The following FRMD4B variants were observed in gnomAD, a reference collection of about 807,000 sequenced individuals.
The protein encoded by FRMD4B is FERM domain-containing protein 4B.
In FRMD4B, 74 loss-of-function variants were observed where a neutral mutation model predicts 141.5. That is an observed-to-expected ratio of 0.52 (90% CI 0.43 to 0.63). FRMD4B has a LOEUF of 0.63. FRMD4B is among the 30% of genes least tolerant of loss of function. The pLI is 0.00. For missense variants in FRMD4B, 1,366 were observed against 1,253.4 expected (o/e 1.09, Z -1.36); for synonymous variants, 506 against 467.9 (o/e 1.08, Z -1.05).
chr3:69,522,467 G>A (rs190842920), intron 1 of FRMD4B, among the ~76,000 whole-genome samples: 39 of 152,172 alleles, frequency 2.6e-4, no homozygotes, highest in Admixed American at 1.7e-3. Flanking sequence ...TGGTCAGAAC[G>A]CAGCCTCCTC....
upstream of FRMD4B, among the ~76,000 whole-genome samples, chr3:69,390,209 C>G (rs1704350717): frequency 6.6e-6 from 1 of 152,164 alleles, no homozygotes; most frequent in Non-Finnish European, 1.5e-5. Context: ...TGGCAGCTTC[C>G]AGTGGTCCCC....
chr3:69,267,071 C>T (rs2093565845), intron 5 of FRMD4B, among the ~76,000 whole-genome samples: 1 of 152,158 alleles, frequency 6.6e-6, no homozygotes, highest in South Asian at 2.1e-4. Flanking sequence ...TACAGAGCCC[C>T]AGGCTCATCA....
At chr3:69,308,628 T>G (rs1262514267) in intron 3 of FRMD4B, among the ~76,000 whole-genome samples, 5 of 152,020 alleles carry the variant, frequency 3.3e-5, no homozygotes, top group African/African-American at 4.8e-5. Context: ...TTAGTAGAGA[T>G]GGGGTTTCAC....
intron 5 of FRMD4B, among the ~76,000 whole-genome samples, chr3:69,263,330 G>A (rs1465639132): frequency 6.6e-6 from 1 of 151,720 alleles, no homozygotes; most frequent in African/African-American, 2.4e-5. Flanking sequence ...AAAATGTGAG[G>A]GGCTTCTTGG....
chr3:69,534,406 T>A (rs17006084), intron 1 of FRMD4B, among the ~76,000 whole-genome samples: 1 of 152,052 alleles, frequency 6.6e-6, no homozygotes, highest in African/African-American at 2.4e-5. Flanking sequence ...CTATCTATCA[T>A]CTAAAATTAA....
At chr3:69,220,141 G>C (rs1379284520) in intron 9 of FRMD4B, among the ~76,000 whole-genome samples, 1 of 152,128 alleles carries the variant, frequency 6.6e-6, no homozygotes, top group Non-Finnish European at 1.5e-5. Context: ...TTCTGTCCTT[G>C]TGCACACATC....
chr3:69,473,510 C>G (rs1187908254), intron 1 of FRMD4B, among the ~76,000 whole-genome samples: 4 of 152,106 alleles, frequency 2.6e-5, no homozygotes, highest in African/African-American at 9.7e-5. Context: ...AAGCCCAGAC[C>G]TCATATGGTT....
At chr3:69,392,423 G>A (rs1025270713) in intron 2 of FRMD4B, among the ~76,000 whole-genome samples, 1 of 152,116 alleles carries the variant, frequency 6.6e-6, no homozygotes, top group African/African-American at 2.4e-5. Flanking sequence ...GCAATCCAAG[G>A]CACAGGGAGC....
intron 1 of FRMD4B, among the ~76,000 whole-genome samples, chr3:69,444,106 C>A (rs900198626): frequency 6.6e-6 from 1 of 152,296 alleles, no homozygotes; most frequent in Middle Eastern, 3.4e-3. Context: ...GATTTCATCT[C>A]CCATCCAATC....
intron 1 of FRMD4B, among the ~76,000 whole-genome samples, chr3:69,373,898 A>G (rs952200416): frequency 2.0e-5 from 3 of 152,156 alleles, no homozygotes; most frequent in Non-Finnish European, 4.4e-5. Flanking sequence ...CGATTAATAA[A>G]TGCTTAAGAT....
chr3:69,522,425 A>G (rs4314173), intron 1 of FRMD4B, among the ~76,000 whole-genome samples: 3 of 151,868 alleles, frequency 2.0e-5, no homozygotes, highest in Admixed American at 6.6e-5. Flanking sequence ...AAGGCATAGA[A>G]AAAACATTTA....
At chr3:69,258,435 T>G (rs887076919) in intron 5 of FRMD4B, among the ~76,000 whole-genome samples, 1 of 142,720 alleles carries the variant, frequency 7.0e-6, no homozygotes, top group Non-Finnish European at 1.6e-5. Context: ...TAGGGAAACA[T>G]ATATATTTCT....
intron 1 of FRMD4B, among the ~76,000 whole-genome samples, chr3:69,479,435 G>A (rs374663678): frequency 6.6e-6 from 1 of 152,080 alleles, no homozygotes; most frequent in African/African-American, 2.4e-5. Flanking sequence ...TTGCTTGTCT[G>A]TAAAGGATTT....
intron 1 of FRMD4B, among the ~76,000 whole-genome samples, chr3:69,357,218 G>C (rs765258033): frequency 6.6e-6 from 1 of 152,166 alleles, no homozygotes; most frequent in Non-Finnish European, 1.5e-5. Flanking sequence ...TAAATCAGAA[G>C]GGGTCCCAGA....
At chr3:69,376,290 C>A (rs1703969119) in intron 1 of FRMD4B, among the ~76,000 whole-genome samples, 1 of 152,004 alleles carries the variant, frequency 6.6e-6, no homozygotes, top group South Asian at 2.1e-4. Context: ...TTGTAAGATG[C>A]CTTAAACAGT....
At chr3:69,528,894 A>T (rs1700972992) in intron 1 of FRMD4B, among the ~76,000 whole-genome samples, 1 of 151,828 alleles carries the variant, frequency 6.6e-6, no homozygotes, top group African/African-American at 2.4e-5. Context: ...TACAATATAC[A>T]CCCCTTAGTT....
chr3:69,524,255 G>A (rs1176382918), intron 1 of FRMD4B, among the ~76,000 whole-genome samples: 1 of 152,176 alleles, frequency 6.6e-6, no homozygotes, highest in Non-Finnish European at 1.5e-5. Flanking sequence ...TCACTGTGCT[G>A]AGCATCTTAT....
intron 1 of FRMD4B, chr3:69,541,261 A>C (rs1701180403): frequency 6.6e-6 from 1 of 152,224 alleles, no homozygotes; most frequent in Non-Finnish European, 1.5e-5. Flanking sequence ...TCTGGGTACC[A>C]GCAAACACAC....
intron 4 of FRMD4B, among the ~76,000 whole-genome samples, chr3:69,289,701 G>C (rs1035464742): frequency 2.6e-5 from 4 of 152,120 alleles, no homozygotes; most frequent in African/African-American, 9.7e-5. Context: ...CCGGAGGCTG[G>C]GGGAGGAGAA....
Sources: allele counts gnomAD v4.1 joint callset (sites outside exome capture counted in the v4.1 genomes callset), GRCh38; gene constraint gnomAD v4.1.1; transcripts MANE v1.5; gene names NCBI Gene and HGNC (gene_info 2026-07-23, HGNC 2026-07-21).